CYB5R4: variants seen among roughly 807,000 people sequenced by gnomAD.
CYB5R4 encodes the protein N-terminal cytochrome b5 and cytochrome b5 oxidoreductase domain-containing protein.
A neutral mutation model predicts 70.2 loss-of-function variants in CYB5R4; 55 were observed. The observed-to-expected ratio is 0.78, with a 90% CI of 0.63 to 0.98. CYB5R4 has a LOEUF of 0.98. Ranked by LOEUF, CYB5R4 falls within the 50% of genes least tolerant of loss-of-function variation. The probability of loss-of-function intolerance (pLI) is 0.00; values close to 1 mark genes in which losing one functional copy is unlikely to be tolerated. For missense variants in CYB5R4, 562 were observed against 612.6 expected (o/e 0.92, Z 0.87); for synonymous variants, 197 against 199.5 (o/e 0.99, Z 0.11).
intron 3 of CYB5R4, among the ~76,000 whole-genome samples, chr6:83,907,249 T>A (rs181483718): frequency 6.6e-6 from 1 of 152,294 alleles, no homozygotes; most frequent in Admixed American, 6.5e-5. Context: ...AAATTATTCC[T>A]GGCCTATTTT....
chr6:83,922,434 C>T lies in CYB5R4; in HGVS notation c.659-4C>T, dbSNP rs752146972. ...TTTTAACTAAATAAATTTGTCTGTC[C>T]TAGGGCTAAGCCATGAGGTTCAGGA... On this transcript the variant is annotated splice_region_variant and splice_polypyrimidine_tract_variant and intron_variant, in intron 8 of 15. Coordinates refer to ENST00000369681, the MANE Select transcript of CYB5R4 (RefSeq NM_016230.4). 2 of 1,611,950 alleles carry T rather than the reference C, an allele frequency of 1.2e-6. No individual in the cohort carries two copies. Among genetic ancestry groups the T allele is most frequent in the South Asian group, 1.1e-5 (1 of 90,570 alleles).
chr6:83,918,229 G>A (rs1289315952), intron 6 of CYB5R4, among the ~76,000 whole-genome samples, 164 bp downstream of exon 6: 1 of 152,062 alleles, frequency 6.6e-6, no homozygotes, highest in Non-Finnish European at 1.5e-5. Context: ...GTTGGAGAAT[G>A]AGCTGTTCCA....
At chr6:83,947,350 C>T (rs1042322622) in intron 14 of CYB5R4, among the ~76,000 whole-genome samples, 1 of 152,082 alleles carries the variant, frequency 6.6e-6, no homozygotes, top group Non-Finnish European at 1.5e-5. Context: ...AAGTCACTAG[C>T]CATATGCACA....
In CYB5R4 at chr6:83,913,320, T is replaced by G. The variant is rs146154630; in HGVS notation, c.413-1096T>G. The stretch of plus-strand genomic sequence containing the variant: ...AAATGGTTTTTAGGCCTACTATCCT[T>G]TTAGGAAATATTAACTCCTGGATTG... On this transcript the variant is annotated intron_variant, in intron 4 of 15. Transcript: ENST00000369681. 3.0e-4 allele frequency among the ~76,000 whole-genome samples: 46 copies of G among 152,300 alleles called. No individual in the cohort carries two copies. In the East Asian group the frequency reaches 7.5e-3, roughly 25 times the overall value.
chr6:83,952,528 A>C (rs1235358166), intron 14 of CYB5R4, among the ~76,000 whole-genome samples: 2 of 152,148 alleles, frequency 1.3e-5, no homozygotes, highest in African/African-American at 4.8e-5. Context: ...TGCATAAGAC[A>C]TGAGGGCCAG....
At chr6:83,937,012 C>T (rs141992047) in intron 12 of CYB5R4, among the ~76,000 whole-genome samples, 65 of 152,316 alleles carry the variant, frequency 4.3e-4, no homozygotes, top group African/African-American at 1.5e-3. Flanking sequence ...CGGTGGCTCA[C>T]GCCTGTAATC....
chr6:83,958,873 G>C (rs2099472869), intron 15 of CYB5R4, among the ~76,000 whole-genome samples: 1 of 152,142 alleles, frequency 6.6e-6, no homozygotes, highest in South Asian at 2.1e-4. Flanking sequence ...GAAGTGCATA[G>C]CAAAGTGACA....
intron 3 of CYB5R4, among the ~76,000 whole-genome samples, chr6:83,907,072 G>A (rs1010318716): frequency 1.3e-5 from 2 of 152,070 alleles, no homozygotes; most frequent in African/African-American, 2.4e-5. Context: ...TGAAAGAGCT[G>A]CAGATTTTTA....
rs1309768173 is a variant in CYB5R4, at chr6:83,962,842, A to G, written c.*2964A>G. The G allele has an allele frequency of 6.6e-6, 1 of 152,184 alleles. No individual in the cohort carries two copies. Among genetic ancestry groups the G allele is most frequent in the Non-Finnish European group, 1.5e-5 (1 of 68,044 alleles). The allele number at this position is 152,184 out of a possible 1,614,324, so 9.4% of individuals were successfully genotyped here. Reference sequence around the variant, plus strand: ...CTAGAATTTGCCCACATTCCTTCTCATACTTTCTGTGTGGCCCTCTTCAGC... The same window carrying G: ...CTAGAATTTGCCCACATTCCTTCTCGTACTTTCTGTGTGGCCCTCTTCAGC... On this transcript the variant is annotated 3_prime_UTR_variant, in exon 16 of 16. Transcript: ENST00000369681.
chr6:83,944,549 A>G (rs144425325), intron 14 of CYB5R4, among the ~76,000 whole-genome samples: 7,130 of 152,248 alleles, frequency 0.047, 525 homozygotes, highest in African/African-American at 0.16. Flanking sequence ...ATAACCAGCT[A>G]GCATCATAAT....
Position 83,955,358 on chromosome 6 carries a change from T to A in CYB5R4, c.1407T>A (p.His469Gln). ...PISEWNGKQG[H>Q]ISPALLSEFL... ...CTGAATGGAATGGCAAACAGGGACA[T>A]ATTTCACCAGCTCTTCTTTCTGAAT... The change falls in exon 15 of 16, where the codon CAT becomes CAA. Residue 469 changes from histidine (H) to glutamine (Q), a missense_variant. By Grantham distance (24) the His-to-Gln change is conservative. Transcript: ENST00000369681. 1 of 1,613,992 alleles carries A rather than the reference T, an allele frequency of 6.2e-7. No individual in the cohort carries two copies. Among genetic ancestry groups the A allele is most frequent in the Non-Finnish European group, 8.5e-7 (1 of 1,179,912 alleles).
chr6:83,948,953 G>C (rs2099471096), intron 14 of CYB5R4, among the ~76,000 whole-genome samples: 1 of 151,874 alleles, frequency 6.6e-6, no homozygotes, highest in Non-Finnish European at 1.5e-5. Flanking sequence ...TCCTCCCTCT[G>C]CTGTTCCTTC....
intron 2 of CYB5R4, among the ~76,000 whole-genome samples, chr6:83,892,401 A>G (rs572330240): frequency 2.6e-5 from 4 of 152,250 alleles, no homozygotes; most frequent in African/African-American, 9.6e-5. Flanking sequence ...AAGTCATCAT[A>G]TAAAGAGGAA....
In CYB5R4 at chr6:83,936,252, T is replaced by A. The variant is rs1395110565; in HGVS notation, c.984T>A (p.Pro328=). The change falls in exon 12 of 16, where the codon CCT becomes CCA. Residue 328 remains proline, a synonymous_variant. Coordinates refer to ENST00000369681, the MANE Select transcript of CYB5R4 (RefSeq NM_016230.4). Reference sequence around the variant, plus strand: ...CAGAAATAGTAAAGCCATATACACCTGTATCTGGTTCCTTACTCTCAGAGT... The same window carrying A: ...CAGAAATAGTAAAGCCATATACACCAGTATCTGGTTCCTTACTCTCAGAGT... ...TGTEIVKPYT[P]VSGSLLSEFK... is the part of the protein sequence containing the mutation. The A allele has an allele frequency of 1.9e-6, 3 of 1,601,540 alleles. No individual in the cohort carries two copies. The highest frequency in any genetic ancestry group is 2.6e-6 in the Non-Finnish European group (3 of 1,176,082).
rs187965910 is a variant in CYB5R4, at chr6:83,960,037, C to T, written c.*159C>T. 4 of 499,654 alleles carry T rather than the reference C, an allele frequency of 8.0e-6. No homozygotes were observed. Among genetic ancestry groups the T allele is most frequent in the African/African-American group, 2.0e-5 (1 of 49,344 alleles). 31.0% of individuals were successfully genotyped at this position (499,654 alleles called of 1,614,324 possible). On this transcript the variant is annotated 3_prime_UTR_variant, in exon 16 of 16. Coordinates refer to ENST00000369681, the MANE Select transcript of CYB5R4 (RefSeq NM_016230.4). ...AATGTTCCTTCAGTACAGGTAACTT[C>T]TTGGCTTTCTTTTGTACCACAACTT... is the stretch of plus-strand genomic sequence containing the variant.
intron 2 of CYB5R4, among the ~76,000 whole-genome samples, chr6:83,867,838 TA>T (rs1034118646): frequency 2.0e-5 from 3 of 152,176 alleles, no homozygotes; most frequent in Admixed American, 6.5e-5. Flanking sequence ...CTATTGTCTG[TA>T]AAAAGTATAA....
rs556544561 is a variant in CYB5R4 at position 83,890,033 on chromosome 6, T to C, written c.230-3489T>C. On this transcript the variant is annotated intron_variant, in intron 2 of 15. Coordinates refer to ENST00000369681, the MANE Select transcript of CYB5R4 (RefSeq NM_016230.4). ...AACATGAGATTTGGGCTGGGACAGATATACAAACTATATCACCTTCTAACA... is the reference window on the plus strand; with the variant it reads ...AACATGAGATTTGGGCTGGGACAGACATACAAACTATATCACCTTCTAACA... 2.2e-4 allele frequency among the ~76,000 whole-genome samples: 34 copies of C among 152,284 alleles called. No homozygotes were observed. In the South Asian group the frequency reaches 6.2e-3, roughly 28 times the overall value.
At chr6:83,891,736 G>A (rs2099461149) in intron 2 of CYB5R4, among the ~76,000 whole-genome samples, 1 of 152,170 alleles carries the variant, frequency 6.6e-6, no homozygotes, top group South Asian at 2.1e-4. Flanking sequence ...GCCCCTATCA[G>A]AAAGAAAGAT....
In CYB5R4 at chr6:83,918,067, T is replaced by G; in HGVS notation, c.506+2T>G. The G allele has an allele frequency of 1.2e-6, 2 of 1,604,276 alleles. No individual in the cohort carries two copies. The highest frequency in any genetic ancestry group is 2.7e-5 in the African/African-American group (2 of 74,820). The stretch of plus-strand genomic sequence containing the variant: ...CAAAGAAGGTCCTAGTTATCCAAGG[T>G]ATGCATTCTTATTTAAAATTTTTAA... On this transcript the variant is annotated splice_donor_variant, in intron 6 of 15. Transcript: ENST00000369681. LOFTEE classifies it high-confidence loss of function.
Sources: gnomAD v4.1 joint callset for allele counts (sites outside exome capture counted in the v4.1 genomes callset) on GRCh38, gnomAD v4.1.1 for gene constraint, MANE v1.5 for transcripts, NCBI Gene and HGNC (gene_info 2026-07-23, HGNC 2026-07-21) for gene names.